Variants in CFAP20DC observed in about 807,000 individuals in gnomAD.
CFAP20DC encodes the protein CFAP20 domain containing, also known as protein CFAP20DC.
CFAP20DC carries 84 observed loss-of-function variants against 101.7 expected under a neutral mutation model. The observed-to-expected ratio is 0.83, with a 90% confidence interval of 0.69 to 0.99. CFAP20DC has a LOEUF of 0.99. Ranked by LOEUF, CFAP20DC falls within the 50% of genes least tolerant of loss-of-function variation. The pLI, the probability that CFAP20DC is intolerant of heterozygous loss-of-function variation, is 0.00. For synonymous variants in CFAP20DC, 359 were observed against 351.2 expected, an observed-to-expected ratio of 1.02 and a Z score of -0.25; for missense variants, 1,007 against 970.3, an observed-to-expected ratio of 1.04 and a Z score of -0.50.
intron 15 of CFAP20DC, among the ~76,000 whole-genome samples, chr3:58,755,542 T>C (rs141477176): frequency 6.6e-6 from 1 of 152,286 alleles, no homozygotes; most frequent in East Asian, 1.9e-4. Context: ...CAGTAGGAGC[T>C]ACCCCAGTGG....
chr3:58,980,728 G>C (rs1302303694), intron 4 of CFAP20DC, among the ~76,000 whole-genome samples: 2 of 152,306 alleles, frequency 1.3e-5, no homozygotes, highest in Non-Finnish European at 2.9e-5. Flanking sequence ...AGCCATCTAT[G>C]ACAAACCCAC....
intron 15 of CFAP20DC, among the ~76,000 whole-genome samples, chr3:58,768,360 G>A (rs78362929): frequency 0.027 from 4,150 of 152,240 alleles, 98 homozygotes; most frequent in East Asian, 0.12. Flanking sequence ...AAACAGTATT[G>A]GCACCACTGA....
At chr3:58,777,537 A>G (rs943095124) in intron 15 of CFAP20DC, among the ~76,000 whole-genome samples, 6 of 152,250 alleles carry the variant, frequency 3.9e-5, no homozygotes, top group Admixed American at 3.9e-4. Context: ...CAATCAAAGT[A>G]TGCACAAATG....
At chr3:58,884,508 C>T in intron 7 of CFAP20DC, 37 bp downstream of exon 7, 1 of 1,589,954 alleles carries the variant, frequency 6.3e-7, no homozygotes, top group Non-Finnish European at 8.6e-7. Context: ...GAGATGCAGA[C>T]ATATTACACT....
chr3:58,758,827 G>T (rs1451542233), intron 15 of CFAP20DC, among the ~76,000 whole-genome samples: 1 of 151,968 alleles, frequency 6.6e-6, no homozygotes, highest in East Asian at 1.9e-4. Flanking sequence ...TGAGAATGAT[G>T]GTTTCCAGCT....
At chr3:58,974,459 T>C (rs975644743) in intron 4 of CFAP20DC, among the ~76,000 whole-genome samples, 8 of 152,134 alleles carry the variant, frequency 5.3e-5, no homozygotes, top group Non-Finnish European at 7.4e-5. Flanking sequence ...TATGGCTACA[T>C]AGTATTCCAT....
chr3:58,765,473 AAAAAAAAAAAAAAAACC>A (rs2070195188), intron 15 of CFAP20DC, among the ~76,000 whole-genome samples: 2 of 145,170 alleles, frequency 1.4e-5, no homozygotes, highest in African/African-American at 2.5e-5. Context: ...ATTCTAGCCA[AAAAAAAAAAAAAAAACC>A]AAAAAAAAAA....
rs915939879 is a variant in CFAP20DC, at chr3:58,795,177, T to C, written c.2237+11218A>G. 6.6e-6 allele frequency among the ~76,000 whole-genome samples: 1 copy of C among 152,230 alleles called. No homozygotes were observed. Among genetic ancestry groups the C allele is most frequent in the African/African-American group, 2.4e-5 (1 of 41,450 alleles). ...TTGAGGGGGAAGCTGAATCTTTTAA[T>C]TAAAAGCTGAAACTATAAAACATTA... On this transcript the variant is annotated intron_variant, in intron 15 of 16. Transcript: ENST00000482387. The surrounding 1 kb of genome is among the most constrained non-coding windows in gnomAD (Gnocchi z 4.2).
At chr3:58,769,700 AG>A (rs2070667696) in intron 15 of CFAP20DC, among the ~76,000 whole-genome samples, 2 of 152,182 alleles carry the variant, frequency 1.3e-5, no homozygotes, top group Admixed American at 6.5e-5. Flanking sequence ...CCCTCCTAAA[AG>A]TGCTCCCAGA....
intron 4 of CFAP20DC, among the ~76,000 whole-genome samples, chr3:58,975,887 T>C (rs2092249913): frequency 6.6e-6 from 1 of 152,144 alleles, no homozygotes; most frequent in Admixed American, 6.6e-5. Flanking sequence ...ATTTTTTAGA[T>C]GTGATGAGAT....
chr3:58,846,482 G>C (rs2047058677), intron 13 of CFAP20DC, among the ~76,000 whole-genome samples: 1 of 152,026 alleles, frequency 6.6e-6, no homozygotes. Context: ...TCTTCAGGGA[G>C]AACTACAAAC....
chr3:58,931,203 G>A (rs189600739), intron 5 of CFAP20DC, among the ~76,000 whole-genome samples: 100 of 152,266 alleles, frequency 6.6e-4, no homozygotes, highest in Middle Eastern at 6.8e-3. Context: ...CTGCAAGGTG[G>A]AAGCGAGGCT....
chr3:58,964,182 T>G lies in CFAP20DC; in HGVS notation c.279-26420A>C, dbSNP rs2091367071. Among the ~76,000 whole-genome samples the G allele has an allele frequency of 1.3e-5, 2 of 152,172 alleles. No homozygotes were observed. The highest frequency in any genetic ancestry group is 1.3e-4 in the Admixed American group (2 of 15,276). ...AGTTCCTTATTCCAGATGTCATAAC[T>G]ATAGCTTCAATCGGACAAGAGACTG... On this transcript the variant is annotated intron_variant, in intron 4 of 16. Transcript: ENST00000482387. The surrounding 1 kb of genome is among the most constrained non-coding windows in gnomAD (Gnocchi z 4.1).
rs2080594470 is a variant in CFAP20DC, at chr3:58,874,759, TC to T, written c.716-4451del. Among the ~76,000 whole-genome samples, 1 of 152,200 alleles carries T rather than the reference TC, an allele frequency of 6.6e-6. No individual in the cohort carries two copies. The highest frequency in any genetic ancestry group is 1.5e-5 in the Non-Finnish European group (1 of 68,028). ...CATAAATTTTCCCTCATAGAACTTGTCAGAATTGAACTTTTACACATGTCCA... is the reference window on the plus strand; with the variant it reads ...CATAAATTTTCCCTCATAGAACTTGTAGAATTGAACTTTTACACATGTCCA... On this transcript the variant is annotated intron_variant, in intron 7 of 16. Transcript: ENST00000482387. The surrounding 1 kb of genome is among the most constrained non-coding windows in gnomAD (Gnocchi z 5.1).
chr3:58,948,328 A>ACTCC (rs1158392118), intron 4 of CFAP20DC, among the ~76,000 whole-genome samples: 3 of 152,350 alleles, frequency 2.0e-5, no homozygotes, highest in Middle Eastern at 3.4e-3. Flanking sequence ...TTGAGTTGAA[A>ACTCC]TGCCAGCTCC....
At chr3:59,023,152 CTCT>C (rs2093832332) in intron 4 of CFAP20DC, among the ~76,000 whole-genome samples, 1 of 140,232 alleles carries the variant, frequency 7.1e-6, no homozygotes, top group South Asian at 2.2e-4. Flanking sequence ...GCTTTCTACT[CTCT>C]TGTTTTTTTT....
chr3:58,967,252 C>G (rs1047128076), intron 4 of CFAP20DC, among the ~76,000 whole-genome samples: 1 of 152,068 alleles, frequency 6.6e-6, no homozygotes. Context: ...GGCACCAAGA[C>G]AATTTAATGG....
chr3:58,744,868 T>C (rs1367522215), intron 16 of CFAP20DC, among the ~76,000 whole-genome samples: 1 of 152,128 alleles, frequency 6.6e-6, no homozygotes, highest in Non-Finnish European at 1.5e-5. Flanking sequence ...GGGCAACGAT[T>C]TGTGCAGAAT....
chr3:58,846,293 G>T (rs1236163188), intron 13 of CFAP20DC, among the ~76,000 whole-genome samples: 129 of 151,876 alleles, frequency 8.5e-4, no homozygotes, highest in African/African-American at 2.9e-3. Flanking sequence ...ATCTCCTTAA[G>T]CTGATAAGCA....
Sources: allele counts gnomAD v4.1 joint callset (sites outside exome capture counted in the v4.1 genomes callset), GRCh38; gene constraint gnomAD v4.1.1; non-coding constraint Gnocchi (gnomAD v3.1); transcripts MANE v1.5; gene names NCBI Gene and HGNC (gene_info 2026-07-23, HGNC 2026-07-21).